Variants in OSBPL6 observed in about 807,000 individuals in gnomAD.
OSBPL6 encodes the protein oxysterol binding protein like 6.
Under a neutral mutation model 125.8 loss-of-function variants are expected in OSBPL6, and 49 were observed. That is an observed-to-expected ratio of 0.39 (90% CI 0.31 to 0.49). The LOEUF is 0.49. OSBPL6 is among the 20% of genes least tolerant of loss of function. The pLI is 0.88. For missense variants in OSBPL6, 986 were observed against 1,135.4 expected, an observed-to-expected ratio of 0.87 and a Z score of 1.89; for synonymous variants, 394 against 391.8, an observed-to-expected ratio of 1.01 and a Z score of -0.07.
chr2:178,303,597 A>C (rs1686485677), intron 2 of OSBPL6, among the ~76,000 whole-genome samples: 1 of 152,176 alleles, frequency 6.6e-6, no homozygotes, highest in East Asian at 1.9e-4. Flanking sequence ...TTAAACATTT[A>C]CATCTCCAGC....
rs145641171 is a variant in OSBPL6, at chr2:178,377,256, C to T, written c.1533+3229C>T. On this transcript the variant is annotated intron_variant, in intron 15 of 24. Coordinates refer to ENST00000190611, the MANE Select transcript of OSBPL6 (RefSeq NM_032523.4). Reference sequence around the variant, plus strand: ...TGGCAGAAGGCCAAGGGGAAGCCAGCCCTCACATGACCAGAGCAGGAGCAA... The same window carrying T: ...TGGCAGAAGGCCAAGGGGAAGCCAGTCCTCACATGACCAGAGCAGGAGCAA... Among the ~76,000 whole-genome samples the T allele has an allele frequency of 6.7e-3, 1,024 of 152,340 alleles. 8 individuals are homozygous for T. Among genetic ancestry groups the T allele is most frequent in the African/African-American group, 0.023 (956 of 41,562 alleles).
intron 22 of OSBPL6, among the ~76,000 whole-genome samples, chr2:178,392,030 A>G (rs1695450467): frequency 6.6e-6 from 1 of 152,138 alleles, no homozygotes; most frequent in Admixed American, 6.5e-5. Flanking sequence ...AGGTCTGCAT[A>G]TTTTTCTTTT....
At chr2:178,222,131 G>T (rs2090366512) in intron 1 of OSBPL6, among the ~76,000 whole-genome samples, 1 of 152,140 alleles carries the variant, frequency 6.6e-6, no homozygotes, top group African/African-American at 2.4e-5. Context: ...AGGAAGTTCT[G>T]CTTCTGTAGT....
At chr2:178,339,555 G>T (rs1417544054) in intron 10 of OSBPL6, 117 bp from the exon 11 acceptor site, 13 of 625,600 alleles carry the variant, frequency 2.1e-5, no homozygotes, top group Non-Finnish European at 3.2e-5. Flanking sequence ...GTCCTGGCTG[G>T]TTTGCTTATA....
intron 13 of OSBPL6, among the ~76,000 whole-genome samples, chr2:178,366,269 A>G (rs1381230651): frequency 6.6e-6 from 1 of 152,204 alleles, no homozygotes; most frequent in African/African-American, 2.4e-5. Flanking sequence ...TCAGCACCCC[A>G]GATTACCATA....
chr2:178,376,499 A>G (rs548534810), intron 15 of OSBPL6, among the ~76,000 whole-genome samples: 1 of 152,016 alleles, frequency 6.6e-6, no homozygotes, highest in South Asian at 2.1e-4. Flanking sequence ...CCCCACCTAG[A>G]TCACCCCATC....
At chr2:178,388,009 A>AG (rs1463899308) in intron 20 of OSBPL6, among the ~76,000 whole-genome samples, 2 of 150,372 alleles carry the variant, frequency 1.3e-5, no homozygotes, top group African/African-American at 5.0e-5. Flanking sequence ...ATCTCAAAAA[A>AG]GAAAAAAAAA....
chr2:178,249,666 A>G (rs959803450), intron 1 of OSBPL6, among the ~76,000 whole-genome samples: 1 of 152,008 alleles, frequency 6.6e-6, no homozygotes. Context: ...TCATTTCTTG[A>G]TGCACTCAGT....
chr2:178,352,708 C>T (rs1178893126), intron 12 of OSBPL6, among the ~76,000 whole-genome samples: 2 of 152,184 alleles, frequency 1.3e-5, no homozygotes, highest in Non-Finnish European at 2.9e-5. Context: ...CTTAAACGTC[C>T]CTGTCTGATA....
At chr2:178,329,617 G>A (rs957489657) in intron 5 of OSBPL6, among the ~76,000 whole-genome samples, 3 of 151,856 alleles carry the variant, frequency 2.0e-5, no homozygotes, top group East Asian at 3.9e-4. Context: ...AGTAGAGATT[G>A]GGTTTCACCA....
rs1387127072 is a variant in OSBPL6, at chr2:178,324,262, T to C, written c.188T>C (p.Leu63Pro). Reference sequence around the variant, plus strand: ...TTGCTAGAACCGGAGCCAGTCCCCCTCTCCAAGGTCAGTGATGAAATGCGG... The same window carrying C: ...TTGCTAGAACCGGAGCCAGTCCCCCCCTCCAAGGTCAGTGATGAAATGCGG... Reference protein sequence around the residue: ...RQLLEPEPVPLSKEADSWEII... With the variant: ...RQLLEPEPVPPSKEADSWEII... Residue 63 changes from leucine (L) to proline (P), a missense_variant, in exon 4 of 25, where the codon CTC (leucine) becomes CCC (proline). By Grantham distance (98) the Leu-to-Pro change is moderately conservative. Around this residue, in one of 3 missense-constraint regions of OSBPL6, gnomAD observed 130 missense variants for 106.4 expected, o/e 1.22. Coordinates refer to ENST00000190611, the MANE Select transcript of OSBPL6 (RefSeq NM_032523.4). The C allele has an allele frequency of 1.9e-6, 3 of 1,565,344 alleles. No individual in the cohort carries two copies. The highest frequency in any genetic ancestry group is 2.7e-5 in the African/African-American group (2 of 74,252).
intron 12 of OSBPL6, among the ~76,000 whole-genome samples, chr2:178,358,239 T>A (rs780219944): frequency 5.3e-5 from 8 of 151,912 alleles, no homozygotes; most frequent in African/African-American, 9.7e-5. Flanking sequence ...AATAAAAAAA[T>A]TTAAAAAATA....
intron 1 of OSBPL6, among the ~76,000 whole-genome samples, chr2:178,228,336 C>A (rs530521122): frequency 6.6e-6 from 1 of 152,246 alleles, no homozygotes; most frequent in Admixed American, 6.5e-5. Context: ...GAGATCGAGA[C>A]CATCCTGGCT....
intron 13 of OSBPL6, 22 bp downstream of exon 13, chr2:178,361,837 G>A (rs764243774): frequency 2.5e-6 from 4 of 1,613,620 alleles, no homozygotes; most frequent in Non-Finnish European, 3.4e-6. Context: ...GTGTGTGTTT[G>A]CATGTACATG....
chr2:178,215,027 G>A (rs1367058983), intron 1 of OSBPL6, among the ~76,000 whole-genome samples: 1 of 151,144 alleles, frequency 6.6e-6, no homozygotes, highest in Admixed American at 6.6e-5. Context: ...TTGTAACAAA[G>A]TTGACACATA....
intron 9 of OSBPL6, among the ~76,000 whole-genome samples, chr2:178,338,451 T>C (rs1689900896): frequency 6.6e-6 from 1 of 152,220 alleles, no homozygotes; most frequent in Admixed American, 6.5e-5. Flanking sequence ...GAATGCACTT[T>C]GAAAATCTGA....
intron 1 of OSBPL6, among the ~76,000 whole-genome samples, chr2:178,282,445 G>T (rs567132892): frequency 2.4e-4 from 37 of 152,302 alleles, no homozygotes; most frequent in African/African-American, 8.4e-4. Flanking sequence ...CTTCCCACTT[G>T]TTATTTTAGA....
At chr2:178,341,097 G>C (rs2154082738) in intron 11 of OSBPL6, among the ~76,000 whole-genome samples, 1 of 152,286 alleles carries the variant, frequency 6.6e-6, no homozygotes, top group Non-Finnish European at 1.5e-5. Flanking sequence ...AGTTTTGTTT[G>C]TAAGTAAAAG....
rs535488158 is a variant in OSBPL6, at chr2:178,313,743, A to G, written c.102+7457A>G. Among the ~76,000 whole-genome samples the G allele has an allele frequency of 2.0e-5, 3 of 152,344 alleles. No homozygotes were observed. In the East Asian group the frequency reaches 5.8e-4, roughly 29 times the overall value. On this transcript the variant is annotated intron_variant, in intron 3 of 24. Coordinates refer to ENST00000190611, the MANE Select transcript of OSBPL6 (RefSeq NM_032523.4). ...GTATCTAAAATGTTTCCTATGTATT[A>G]TCAACAGCAATGCATTTCAAAACCA...
Sources: gnomAD v4.1 joint callset for allele counts (sites outside exome capture counted in the v4.1 genomes callset) on GRCh38, gnomAD v4.1.1 for gene constraint, gnomAD v4.1.1 regional missense constraint, MANE v1.5 for transcripts, NCBI Gene and HGNC (gene_info 2026-07-23, HGNC 2026-07-21) for gene names.